Variants in UFSP2 observed in about 807,000 individuals in gnomAD.
The protein encoded by UFSP2 is UFM1 specific peptidase 2, also known as ufm1-specific protease 2.
UFSP2 carries 43 observed loss-of-function variants against 60.2 expected under a neutral mutation model. The ratio of observed to expected loss-of-function variants is 0.71; its 90% CI spans 0.56 to 0.92. UFSP2 has a LOEUF of 0.92. UFSP2 is among the 40% of genes least tolerant of loss of function. The pLI is 0.00. For synonymous variants in UFSP2, 183 were observed against 195.1 expected (o/e 0.94, Z 0.52); for missense variants, 520 against 575.0 (o/e 0.90, Z 0.98).
chr4:185,418,533 A>T, intron 3 of UFSP2, 26 bp from the exon 4 acceptor site: 1 of 1,610,144 alleles, frequency 6.2e-7, no homozygotes, highest in Non-Finnish European at 8.5e-7. Context: ...ACAGACATTT[A>T]TAATATGAAA....
At chr4:185,410,813 G>C (rs774004789) in intron 7 of UFSP2, among the ~76,000 whole-genome samples, 16 of 151,848 alleles carry the variant, frequency 1.1e-4, no homozygotes, top group Non-Finnish European at 2.1e-4. Context: ...AGGCGTGGTA[G>C]CACCCTCCTG....
intron 1 of UFSP2, 118 bp downstream of exon 1, chr4:185,425,748 A>C: frequency 1.4e-6 from 2 of 1,461,336 alleles, no homozygotes; most frequent in African/African-American, 1.4e-5. Context: ...CGCAGCTCGC[A>C]GCTGCCATCT....
intron 2 of UFSP2, among the ~76,000 whole-genome samples, chr4:185,420,788 G>A (rs997711307): frequency 1.3e-5 from 2 of 152,204 alleles, no homozygotes; most frequent in Non-Finnish European, 2.9e-5. Flanking sequence ...GAAGCCCTTT[G>A]TTGAGTGTTG....
In UFSP2 at chr4:185,405,859, A is replaced by G. The variant is rs770072931; in HGVS notation, c.1122-3T>C. The G allele has an allele frequency of 4.7e-5, 76 of 1,613,970 alleles. 1 individual carries two copies. In the Admixed American group the frequency reaches 1.2e-3, roughly 26 times the overall value. On this transcript the variant is annotated splice_polypyrimidine_tract_variant and splice_region_variant and intron_variant, in intron 9 of 11. Coordinates refer to ENST00000264689, the MANE Select transcript of UFSP2 (RefSeq NM_018359.5). ...GAGAGGCAATTTCTGAACCTTGGCT[A>G]GAAAGAAACCATTTTCTATCAGATG... is the stretch of plus-strand genomic sequence containing the variant.
Position 185,413,755 on chromosome 4 carries a change from G to GGTAA in UFSP2, c.798_801dup (p.Asn269ProfsTer2). ...CCAGTCTCCATGTTAGGTGGATTAAGGTAAGTATGTGGATTTCTAATGTAA... is the reference window on the plus strand; with the variant it reads ...CCAGTCTCCATGTTAGGTGGATTAAGGTAAGTAAGTATGTGGATTTCTAATGTAA... On this transcript the variant is annotated frameshift_variant, in exon 7 of 12. Transcript: ENST00000264689. LOFTEE classifies it high-confidence loss of function. 1 of 1,613,014 alleles carries GGTAA rather than the reference G, an allele frequency of 6.2e-7. No homozygotes were observed. Among genetic ancestry groups the GGTAA allele is most frequent in the South Asian group, 1.1e-5 (1 of 90,884 alleles).
At chr4:185,419,153 A>C (rs967133082) in intron 2 of UFSP2, among the ~76,000 whole-genome samples, 13 of 150,522 alleles carry the variant, frequency 8.6e-5, no homozygotes, top group Non-Finnish European at 1.8e-4. Flanking sequence ...TTTTTTTGAG[A>C]TGGAGTCTCG....
intron 2 of UFSP2, among the ~76,000 whole-genome samples, chr4:185,421,108 G>C (rs1424085100): frequency 1.3e-5 from 2 of 152,142 alleles, no homozygotes; most frequent in African/African-American, 2.4e-5. Flanking sequence ...TGGCACATTA[G>C]AATTACCTAG....
Position 185,418,727 on chromosome 4 carries a change from C to G in UFSP2, c.126G>C (p.Leu42=), listed in dbSNP as rs758982893. 1.2e-6 allele frequency: 2 copies of G among 1,612,578 alleles called. No individual in the cohort carries two copies. The highest frequency in any genetic ancestry group is 4.5e-5 in the East Asian group (2 of 44,850). Residue 42 remains leucine, a synonymous_variant, in exon 3 of 12, where the codon CTG becomes CTC. Coordinates refer to ENST00000264689, the MANE Select transcript of UFSP2 (RefSeq NM_018359.5). ...KKALKHVLSD[L]STKLSSNALV... Reference sequence around the variant, plus strand: ...GGGCGTTTGAAGACAGCTTAGTTGACAGGTCACTCAACACATGTTTCAGTG... The same window carrying G: ...GGGCGTTTGAAGACAGCTTAGTTGAGAGGTCACTCAACACATGTTTCAGTG...
At chr4:185,418,069 A>ACACACACACACACACACACAC (rs1422329406) in intron 4 of UFSP2, among the ~76,000 whole-genome samples, 4 of 22,782 alleles carry the variant, frequency 1.8e-4, no homozygotes, top group Non-Finnish European at 2.8e-4. Context: ...CACACACACA[A>ACACACACACACACACACACAC]ACAACAGAAC....
In UFSP2 at chr4:185,399,588, G is replaced by A. The variant is rs1465485519; in HGVS notation, c.*804C>T. The A allele has an allele frequency of 1.9e-6, 3 of 1,614,148 alleles. No homozygotes were observed. Among genetic ancestry groups the A allele is most frequent in the East Asian group, 2.2e-5 (1 of 44,882 alleles). ...TTTTCAGTTTATGTAATAAGAACGGGCAAACAGCTGAAGATCTCGCTTGGT... is the reference window on the plus strand; with the variant it reads ...TTTTCAGTTTATGTAATAAGAACGGACAAACAGCTGAAGATCTCGCTTGGT... On this transcript the variant is annotated 3_prime_UTR_variant, in exon 12 of 12. Coordinates refer to ENST00000264689, the MANE Select transcript of UFSP2 (RefSeq NM_018359.5).
intron 4 of UFSP2, 117 bp from the exon 5 acceptor site, chr4:185,415,984 C>A: frequency 2.5e-6 from 2 of 794,938 alleles, no homozygotes; most frequent in Non-Finnish European, 3.8e-6. Context: ...TAAGACTAGC[C>A]AAGTACAGTA....
intron 7 of UFSP2, among the ~76,000 whole-genome samples, chr4:185,412,349 A>G (rs2095530802): frequency 6.6e-6 from 1 of 152,194 alleles, no homozygotes; most frequent in Non-Finnish European, 1.5e-5. Context: ...GCTTTTGCAG[A>G]TGATCTGCTG....
In UFSP2 at chr4:185,418,453, C is replaced by T; in HGVS notation, c.321G>A (p.Lys107=). The change falls in exon 4 of 12, where the codon AAG becomes AAA. Residue 107 remains lysine, a synonymous_variant. Coordinates refer to ENST00000264689, the MANE Select transcript of UFSP2 (RefSeq NM_018359.5). ...KRKFMRKKDK[K]LSDMHQIVNI... Reference sequence around the variant, plus strand: ...ATAGTTTGCTTACCATGTCTGATAACTTTTTGTCCTTCTTTCTCATGAATT... The same window carrying T: ...ATAGTTTGCTTACCATGTCTGATAATTTTTTGTCCTTCTTTCTCATGAATT... The T allele has an allele frequency of 6.2e-7, 1 of 1,608,472 alleles. No homozygotes were observed. The highest frequency in any genetic ancestry group is 1.1e-5 in the South Asian group (1 of 90,738).
chr4:185,400,211 CTT>C lies in UFSP2; in HGVS notation c.*179_*180del, dbSNP rs990830673. Reference sequence around the variant, plus strand: ...AATATGCTGGTTGTGTATGCTTTGTCTTTTAAGTTATTAAAGGAACGTCTAAA... The same window carrying C: ...AATATGCTGGTTGTGTATGCTTTGTCTTAAGTTATTAAAGGAACGTCTAAA... On this transcript the variant is annotated 3_prime_UTR_variant, in exon 12 of 12. Transcript: ENST00000264689. The C allele has an allele frequency of 1.4e-4, 98 of 707,014 alleles. No homozygotes were observed. In the African/African-American group the frequency reaches 1.7e-3, roughly 12 times the overall value. The allele number at this position is 707,014 out of a possible 1,614,324, so 43.8% of individuals were successfully genotyped here.
chr4:185,399,664 C>T lies in UFSP2; in HGVS notation c.*728G>A. 1 of 1,614,108 alleles carries T rather than the reference C, an allele frequency of 6.2e-7. No individual in the cohort carries two copies. Among genetic ancestry groups the T allele is most frequent in the Non-Finnish European group, 8.5e-7 (1 of 1,180,016 alleles). ...GTTTCTTACAACAATTAAATGTATGCAGACAATAAAAGCAAGTGAACACCC... is the reference window on the plus strand; with the variant it reads ...GTTTCTTACAACAATTAAATGTATGTAGACAATAAAAGCAAGTGAACACCC... On this transcript the variant is annotated 3_prime_UTR_variant, in exon 12 of 12. Transcript: ENST00000264689.
chr4:185,417,196 C>T (rs1288546510), intron 4 of UFSP2, among the ~76,000 whole-genome samples: 1 of 152,178 alleles, frequency 6.6e-6, no homozygotes, highest in Non-Finnish European at 1.5e-5. Context: ...GCCAATAGTG[C>T]ATGACCTAAC....
At chr4:185,401,592 A>G (rs1160744286) in intron 11 of UFSP2, among the ~76,000 whole-genome samples, 4 of 152,150 alleles carry the variant, frequency 2.6e-5, no homozygotes, top group Non-Finnish European at 4.4e-5. Context: ...GCACCACAAG[A>G]AGGCAAAGAG....
At position 185,403,723 on chromosome 4, in the gene UFSP2, G is replaced by A. The variant is rs957954431; in HGVS notation, c.1199-105C>T. 5.7e-6 allele frequency: 8 copies of A among 1,401,662 alleles called. No homozygotes were observed. In the South Asian group the frequency reaches 7.0e-5, roughly 12 times the overall value. The allele number at this position is 1,401,662 out of a possible 1,614,324, so 86.8% of individuals were successfully genotyped here. ...CGGCCGGGCGTGGTGGCTCACACCT[G>A]TAATCCCAGCACTTTGGGAGGTGGG... On this transcript the variant is annotated intron_variant, in intron 10 of 11. Transcript: ENST00000264689.
intron 2 of UFSP2, 109 bp from the exon 3 acceptor site, chr4:185,418,879 C>A: frequency 1.2e-6 from 1 of 814,582 alleles, no homozygotes; most frequent in Non-Finnish European, 1.8e-6. Context: ...TACCTATTCC[C>A]CATATTCAAT....
Sources: allele counts gnomAD v4.1 joint callset (sites outside exome capture counted in the v4.1 genomes callset), GRCh38; gene constraint gnomAD v4.1.1; transcripts MANE v1.5; gene names NCBI Gene and HGNC (gene_info 2026-07-23, HGNC 2026-07-21).